The following EPHA6 variants were observed in gnomAD, a reference collection of about 807,000 sequenced individuals.
The protein encoded by EPHA6 is ephrin type-A receptor 6.
In EPHA6, 50 loss-of-function variants were observed where a neutral mutation model predicts 112.0. That is an observed-to-expected ratio of 0.45 (90% CI 0.36 to 0.56). The LOEUF (loss-of-function observed/expected upper bound fraction) is 0.56. Among genes scored for constraint, EPHA6 ranks in the 20% least tolerant of loss-of-function variants. The probability of loss-of-function intolerance (pLI) is 0.00; values close to 1 mark genes in which losing one functional copy is unlikely to be tolerated. For missense variants in EPHA6, 1,280 were observed against 1,417.4 expected (o/e 0.90, Z 1.56); for synonymous variants, 529 against 490.7 (o/e 1.08, Z -1.03).
At chr3:97,162,911 T>A (rs2076450427) in intron 3 of EPHA6, among the ~76,000 whole-genome samples, 1 of 152,176 alleles carries the variant, frequency 6.6e-6, no homozygotes, top group African/African-American at 2.4e-5. Flanking sequence ...ACTCAGATTA[T>A]CTTGATGGCT....
intron 5 of EPHA6, among the ~76,000 whole-genome samples, chr3:97,295,614 T>G (rs2080848381): frequency 6.6e-6 from 1 of 152,078 alleles, no homozygotes. Context: ...AACATTTCCT[T>G]TTTTTTAATG....
At chr3:97,021,008 C>T (rs572893263) in intron 3 of EPHA6, among the ~76,000 whole-genome samples, 1 of 152,090 alleles carries the variant, frequency 6.6e-6, no homozygotes, top group Admixed American at 6.6e-5. Flanking sequence ...TATAAAAAAC[C>T]TTCAGCATAG....
At chr3:97,520,117 G>A (rs184453550) in intron 10 of EPHA6, among the ~76,000 whole-genome samples, 105 of 151,810 alleles carry the variant, frequency 6.9e-4, no homozygotes, top group African/African-American at 2.1e-3. Flanking sequence ...ACAGGCACCC[G>A]CCACCACGCC....
At chr3:96,865,451 G>A (rs997901025) in intron 1 of EPHA6, among the ~76,000 whole-genome samples, 4 of 151,818 alleles carry the variant, frequency 2.6e-5, no homozygotes, top group African/African-American at 9.7e-5. Flanking sequence ...GGAGGTCAAG[G>A]TGGGAGGGTC....
At chr3:97,358,692 C>G (rs2084210807) in intron 5 of EPHA6, among the ~76,000 whole-genome samples, 1 of 151,368 alleles carries the variant, frequency 6.6e-6, no homozygotes. Context: ...TGTCTAATGT[C>G]TTTTCATTTT....
chr3:97,232,798 G>C (rs1483086885), intron 4 of EPHA6, among the ~76,000 whole-genome samples: 1 of 152,138 alleles, frequency 6.6e-6, no homozygotes, highest in Non-Finnish European at 1.5e-5. Flanking sequence ...CATGGTTCCA[G>C]GGTTTCTGTT....
intron 3 of EPHA6, among the ~76,000 whole-genome samples, chr3:97,001,017 G>GATATATATATATATAT (rs57116000): frequency 2.7e-4 from 31 of 114,588 alleles, no homozygotes; most frequent in African/African-American, 9.5e-4. Context: ...GTCAGAAATT[G>GATATATATATATATAT]ATATATATAT....
chr3:97,265,178 G>A lies in EPHA6; in HGVS notation c.1606+20891G>A, dbSNP rs146679971. ...TTCATCCATGGGCAGCCATGAGTGG[G>A]CCCAAAAAAGGTATCACAAGTTCCC... On this transcript the variant is annotated intron_variant, in intron 5 of 17. Coordinates refer to ENST00000389672, the MANE Select transcript of EPHA6 (RefSeq NM_001080448.3). 9.2e-5 allele frequency among the ~76,000 whole-genome samples: 14 copies of A among 152,234 alleles called. No individual in the cohort carries two copies. The East Asian group carries it at 2.7e-3, about 30-fold the overall frequency.
At chr3:96,922,849 A>G (rs1482878406) in intron 2 of EPHA6, among the ~76,000 whole-genome samples, 1 of 152,102 alleles carries the variant, frequency 6.6e-6, no homozygotes, top group Non-Finnish European at 1.5e-5. Context: ...TTTCACCGCA[A>G]GTTTCCATGT....
At chr3:97,092,117 T>A (rs1446197542) in intron 3 of EPHA6, among the ~76,000 whole-genome samples, 1 of 151,030 alleles carries the variant, frequency 6.6e-6, no homozygotes, top group Non-Finnish European at 1.5e-5. Context: ...AAGCAAAAAA[T>A]TAACATATTA....
chr3:96,925,029 A>T (rs1236359827), intron 2 of EPHA6, among the ~76,000 whole-genome samples: 3 of 152,060 alleles, frequency 2.0e-5, no homozygotes, highest in Admixed American at 2.0e-4. Flanking sequence ...GCTGGTTTGG[A>T]TTCGGTTTGC....
At chr3:97,263,618 A>G (rs1300751141) in intron 5 of EPHA6, among the ~76,000 whole-genome samples, 2 of 152,044 alleles carry the variant, frequency 1.3e-5, no homozygotes, top group Non-Finnish European at 2.9e-5. Context: ...ATTTAAATTT[A>G]TGTATTAATA....
intron 3 of EPHA6, among the ~76,000 whole-genome samples, chr3:97,124,232 C>A (rs2048118746): frequency 6.6e-6 from 1 of 151,318 alleles, no homozygotes; most frequent in African/African-American, 2.4e-5. Context: ...CATTTAATGC[C>A]AACTATGTTG....
chr3:97,204,206 A>T (rs1007190131), intron 3 of EPHA6, among the ~76,000 whole-genome samples: 1 of 152,134 alleles, frequency 6.6e-6, no homozygotes, highest in Non-Finnish European at 1.5e-5. Context: ...GTATTGACAT[A>T]GTTATACATT....
chr3:96,880,350 G>A (rs1169784317), intron 2 of EPHA6, among the ~76,000 whole-genome samples: 1 of 152,046 alleles, frequency 6.6e-6, no homozygotes, highest in Non-Finnish European at 1.5e-5. Context: ...GAAAAGATGT[G>A]CGAGAACATT....
intron 2 of EPHA6, among the ~76,000 whole-genome samples, chr3:96,894,573 G>A (rs1451409960): frequency 1.3e-5 from 2 of 151,784 alleles, no homozygotes; most frequent in Non-Finnish European, 2.9e-5. Flanking sequence ...ACCTTGCTTG[G>A]GCTTGAGATA....
At chr3:96,817,148 T>C (rs1478606009) in intron 1 of EPHA6, among the ~76,000 whole-genome samples, 1 of 151,948 alleles carries the variant, frequency 6.6e-6, no homozygotes, top group African/African-American at 2.4e-5. Context: ...AAAATTTAGG[T>C]GACTTCTTCA....
chr3:97,622,261 C>T (rs1267564082), intron 13 of EPHA6, among the ~76,000 whole-genome samples: 3 of 151,754 alleles, frequency 2.0e-5, no homozygotes, highest in Non-Finnish European at 4.4e-5. Context: ...CTTCTCCCTT[C>T]CCCCAGCCCC....
intron 11 of EPHA6, among the ~76,000 whole-genome samples, chr3:97,556,575 G>A (rs1683826491): frequency 6.6e-6 from 1 of 151,974 alleles, no homozygotes; most frequent in South Asian, 2.1e-4. Context: ...CAGCATGAGG[G>A]TAACTGCCTC....
Sources: gnomAD v4.1 joint callset for allele counts (sites outside exome capture counted in the v4.1 genomes callset) on GRCh38, gnomAD v4.1.1 for gene constraint, MANE v1.5 for transcripts, NCBI Gene and HGNC (gene_info 2026-07-23, HGNC 2026-07-21) for gene names.